Variants in ABCA2 observed in about 807,000 individuals in gnomAD.
ABCA2 encodes ATP binding cassette subfamily A member 2.
ABCA2 carries 84 observed loss-of-function variants against 262.8 expected under a neutral mutation model. The ratio of observed to expected loss-of-function variants is 0.32; its 90% CI spans 0.27 to 0.38. The LOEUF is 0.38. Among genes scored for constraint, ABCA2 ranks in the 10% least tolerant of loss-of-function variants. The pLI is 1.00. For missense variants in ABCA2, 2,662 were observed against 3,405.9 expected (o/e 0.78, Z 5.44); for synonymous variants, 1,696 against 1,502.9 (o/e 1.13, Z -2.97).
intron 1 of ABCA2, among the ~76,000 whole-genome samples, chr9:137,026,692 C>T (rs963438184): frequency 3.3e-5 from 5 of 152,220 alleles, no homozygotes; most frequent in African/African-American, 1.2e-4. Flanking sequence ...GGCCACACTC[C>T]CTTCCCTGAG....
chr9:137,022,073 A>C, intron 6 of ABCA2, 72 bp from the exon 7 acceptor site: 2 of 456,110 alleles, frequency 4.4e-6, no homozygotes, highest in Non-Finnish European at 6.6e-6. Context: ...CGTGGCTCCG[A>C]TGGACGTGTG....
Position 137,028,131 on chromosome 9 carries a change from G to C in ABCA2, c.10C>G (p.Leu4Val). The change falls in exon 1 of 49, where the codon CTG becomes GTG. Residue 4 changes from leucine (L) to valine (V), a missense_variant. Around this residue, in one of 12 missense-constraint regions of ABCA2, gnomAD observed 101 missense variants for 152.3 expected, o/e 0.66. Coordinates refer to ENST00000341511, the MANE Select transcript of ABCA2 (RefSeq NM_001606.5). The surrounding 1 kb of genome is among the most constrained non-coding windows in gnomAD (Gnocchi z 6.9). ...CAGAGCAGCAGCTGCAGCTGGTGCAGGAAGCCCATGGCGGGGCCACGCTCC... is the reference window on the plus strand; with the variant it reads ...CAGAGCAGCAGCTGCAGCTGGTGCACGAAGCCCATGGCGGGGCCACGCTCC... MGF[L>V]HQLQLLLWKN... The C allele has an allele frequency of 1.0e-6, 1 of 984,720 alleles. No homozygotes were observed. The highest frequency in any genetic ancestry group is 1.2e-6 in the Non-Finnish European group (1 of 829,922). 61.0% of individuals were successfully genotyped at this position (984,720 alleles called of 1,614,324 possible).
chr9:137,015,424 C>T lies in ABCA2; in HGVS notation c.3687G>A (p.Gly1229=), dbSNP rs1831223425. 3.2e-6 allele frequency: 5 copies of T among 1,566,230 alleles called. No individual in the cohort carries two copies. Among genetic ancestry groups the T allele is most frequent in the South Asian group, 1.2e-5 (1 of 85,950 alleles). ...AGCTTCAACACAGACCTTGGGGGCC[C>T]CCCGGCTCGGCGGGCCGCTTGACCA... ...LTLVKRPAEP[G]GPQEPGLASS... The change falls in exon 24 of 49, where the codon GGG becomes GGA. Residue 1229 remains glycine (G), a synonymous_variant. Transcript: ENST00000341511.
At position 137,011,383 on chromosome 9, in the gene ABCA2, C is replaced by T; in HGVS notation, c.5799+24G>A. 6.2e-7 allele frequency: 1 copy of T among 1,608,460 alleles called. No homozygotes were observed. Among genetic ancestry groups the T allele is most frequent in the Non-Finnish European group, 8.5e-7 (1 of 1,177,746 alleles). On this transcript the variant is annotated intron_variant, in intron 37 of 48. Coordinates refer to ENST00000341511, the MANE Select transcript of ABCA2 (RefSeq NM_001606.5). This position sits in a 1 kb window ranked among gnomAD's most constrained non-coding sequence, Gnocchi z 8.8. ...CACAGCCTCCGCAGGGTCCGCCACC[C>T]CCACCATGTCGTCACCGCCCCACCT... is the stretch of plus-strand genomic sequence containing the variant.
In ABCA2 at chr9:137,021,779, C is replaced by G; in HGVS notation, c.678+112G>C. 1 of 1,265,196 alleles carries G rather than the reference C, an allele frequency of 7.9e-7. No individual in the cohort carries two copies. The highest frequency in any genetic ancestry group is 1.3e-5 in the South Asian group (1 of 74,644). The allele number at this position is 1,265,196 out of a possible 1,614,324, so 78.4% of individuals were successfully genotyped here. A position where few individuals can be genotyped will look rare whatever the true frequency, so the allele number is the denominator to read the frequency against. On this transcript the variant is annotated intron_variant, in intron 7 of 48. Coordinates refer to ENST00000341511, the MANE Select transcript of ABCA2 (RefSeq NM_001606.5). This position sits in a 1 kb window ranked among gnomAD's most constrained non-coding sequence, Gnocchi z 6.0. ...CATAGACCCCTGGGACCCTCCCCCT[C>G]TCCCAGGAGGAGCTCCAAGTCACCA...
chr9:137,008,900 G>GCCCCCCCCCCCCCCTCGCCGCCC (rs59031144), intron 46 of ABCA2, 32 bp from the exon 47 acceptor site: 1 of 1,535,814 alleles, frequency 6.5e-7, no homozygotes. Flanking sequence ...GCCTGGCAGC[G>GCCCCCCCCCCCCCCTCGCCGCCC]CCCCCCCACC....
Position 137,014,019 on chromosome 9 carries a change from C to T in ABCA2, c.4260G>A (p.Leu1420=). The part of the protein sequence containing the change: ...VSLQEVEAEA[L]SRVGQGSRKL... ...TGCGGCTGCCCTGGCCGACCCTCGA[C>T]AGGGCCTCTGCCTCCACCTCTGTGC... is the stretch of plus-strand genomic sequence containing the variant. The change falls in exon 28 of 49, where the codon CTG becomes CTA. Residue 1420 remains leucine (L), a synonymous_variant. Coordinates refer to ENST00000341511, the MANE Select transcript of ABCA2 (RefSeq NM_001606.5). 1 of 1,611,414 alleles carries T rather than the reference C, an allele frequency of 6.2e-7. No homozygotes were observed. The highest frequency in any genetic ancestry group is 8.5e-7 in the Non-Finnish European group (1 of 1,179,838).
At chr9:137,023,973 G>A (rs1404285644) in intron 2 of ABCA2, 133 bp from the exon 3 acceptor site, 9 of 1,531,020 alleles carry the variant, frequency 5.9e-6, no homozygotes, top group African/African-American at 2.8e-5. Context: ...GGCCAGCCCC[G>A]ACCTCCACAG....
intron 1 of ABCA2, 127 bp from the exon 2 acceptor site, chr9:137,024,363 C>T (rs1384620887): frequency 1.1e-5 from 8 of 757,532 alleles, no homozygotes; most frequent in African/African-American, 1.8e-5. Context: ...AAGGTGGGCA[C>T]AGGCCCTTCG....
rs1831441499 is a variant in ABCA2 at position 137,021,160 on chromosome 9, A to G, written c.898-99T>C. On this transcript the variant is annotated intron_variant, in intron 8 of 48. Coordinates refer to ENST00000341511, the MANE Select transcript of ABCA2 (RefSeq NM_001606.5). The surrounding 1 kb of genome is among the most constrained non-coding windows in gnomAD (Gnocchi z 6.0). Reference sequence around the variant, plus strand: ...AGGGAGACAGCAGCAGGGAGACACAAGCTAGGGGTGCTGGGAGGGAGTCTG... The same window carrying G: ...AGGGAGACAGCAGCAGGGAGACACAGGCTAGGGGTGCTGGGAGGGAGTCTG... 1 of 1,423,308 alleles carries G rather than the reference A, an allele frequency of 7.0e-7. No individual in the cohort carries two copies. Among genetic ancestry groups the G allele is most frequent in the South Asian group, 1.5e-5 (1 of 67,842 alleles). The allele number at this position is 1,423,308 out of a possible 1,614,324, so 88.2% of individuals were successfully genotyped here.
intron 24 of ABCA2, 62 bp downstream of exon 24, chr9:137,015,352 C>A: frequency 6.7e-7 from 1 of 1,495,960 alleles, no homozygotes. Flanking sequence ...ATTGTGGATT[C>A]TCAGGTGGGG....
rs760599172 is a variant in ABCA2 at position 137,022,997 on chromosome 9, C to T, written c.219G>A (p.Ser73=). ...TSAGILPVMQ[S]LCPDGQRDEF... is the part of the protein sequence containing the mutation. ...CGTCTCGCTGGCCGTCCGGGCACAGCGATTGCATGACAGGCAGGATGCCGG... is the reference window on the plus strand; with the variant it reads ...CGTCTCGCTGGCCGTCCGGGCACAGTGATTGCATGACAGGCAGGATGCCGG... Residue 73 remains serine, a synonymous_variant, in exon 4 of 49, where the codon TCG becomes TCA. Transcript: ENST00000341511. 1.0e-5 allele frequency: 16 copies of T among 1,595,726 alleles called. No individual in the cohort carries two copies. Among genetic ancestry groups the T allele is most frequent in the South Asian group, 2.3e-5 (2 of 88,200 alleles).
chr9:137,010,849 C>A, intron 39 of ABCA2, 112 bp from the exon 40 acceptor site: 1 of 1,395,592 alleles, frequency 7.2e-7, no homozygotes, highest in East Asian at 2.4e-5. Context: ...GCAGGCCCCT[C>A]TGCTGTCCCC....
rs1482662523 is a variant in ABCA2, at chr9:137,010,197, G to A, written c.6349C>T (p.His2117Tyr). The A allele has an allele frequency of 1.2e-6, 2 of 1,602,322 alleles. No individual in the cohort carries two copies. Among genetic ancestry groups the A allele is most frequent in the Admixed American group, 1.7e-5 (1 of 59,786 alleles). The change falls in exon 41 of 49, where the codon CAC becomes TAC. Residue 2117 changes from histidine (H) to tyrosine (Y), a missense_variant. His to Tyr is a moderately conservative substitution (Grantham distance 83, BLOSUM62 2). Around this residue, in one of 12 missense-constraint regions of ABCA2, gnomAD observed 602 missense variants for 897.4 expected, o/e 0.67. Transcript: ENST00000341511. The part of the protein sequence containing the change: ...TTGGEAFVNG[H>Y]SVLKELLQVQ... The stretch of plus-strand genomic sequence containing the variant: ...CACCCAGGGCTCCCGCCCCACCTGT[G>A]TCCATTGACGAAGGCCTCGCCCCCC...
In ABCA2 at chr9:137,007,642, G is replaced by A. The variant is rs1830879814; in HGVS notation, c.*287C>T. The A allele has an allele frequency of 7.4e-6, 4 of 537,252 alleles. No homozygotes were observed. Among genetic ancestry groups the A allele is most frequent in the South Asian group, 4.1e-5 (2 of 48,426 alleles). The allele number at this position is 537,252 out of a possible 1,614,324, so 33.3% of individuals were successfully genotyped here. ...GGCGTCGCCTTGGGCGGTGAGCAGT[G>A]CCAGGCAGGGGCGAGGGGCCGGGCA... On this transcript the variant is annotated 3_prime_UTR_variant, in exon 49 of 49. Coordinates refer to ENST00000341511, the MANE Select transcript of ABCA2 (RefSeq NM_001606.5).
Position 137,012,097 on chromosome 9 carries a change from C to T in ABCA2, c.5360+5G>A. On this transcript the variant is annotated splice_donor_5th_base_variant and intron_variant, in intron 34 of 48. Transcript: ENST00000341511. ...CCCACCTCATCCCCCACTGGCCACACTTACAGGTAATCCAGGGAGAGGCTG... is the reference window on the plus strand; with the variant it reads ...CCCACCTCATCCCCCACTGGCCACATTTACAGGTAATCCAGGGAGAGGCTG... 6.2e-7 allele frequency: 1 copy of T among 1,612,718 alleles called. No individual in the cohort carries two copies. The highest frequency in any genetic ancestry group is 8.5e-7 in the Non-Finnish European group (1 of 1,179,952).
chr9:137,026,491 C>T (rs1831657653), intron 1 of ABCA2, among the ~76,000 whole-genome samples: 1 of 152,216 alleles, frequency 6.6e-6, no homozygotes, highest in Non-Finnish European at 1.5e-5. Flanking sequence ...CTCAGCCTCC[C>T]TGGGGGAAAC....
upstream of ABCA2, chr9:137,028,357 C>T (rs1204798971): frequency 3.6e-6 from 3 of 838,222 alleles, no homozygotes; most frequent in African/African-American, 3.7e-5. This position sits in a 1 kb window ranked among gnomAD's most constrained non-coding sequence, Gnocchi z 6.9. Context: ...GCGCTCCGTC[C>T]GCGCCCGCCA....
At chr9:137,013,340 G>A in intron 29 of ABCA2, 22 bp from the exon 30 acceptor site, 2 of 1,534,820 alleles carry the variant, frequency 1.3e-6, no homozygotes, top group Admixed American at 1.9e-5. Context: ...GACAGTGTGA[G>A]GTGGGGCTGC....
Sources: allele counts gnomAD v4.1 joint callset (sites outside exome capture counted in the v4.1 genomes callset), GRCh38; gene constraint gnomAD v4.1.1; regional missense constraint gnomAD v4.1.1; non-coding constraint Gnocchi (gnomAD v3.1); transcripts MANE v1.5; gene names NCBI Gene and HGNC (gene_info 2026-07-23, HGNC 2026-07-21).